Variants in FARSA observed in about 807,000 individuals in gnomAD.
FARSA encodes the protein phenylalanyl-tRNA synthetase subunit alpha, also known as phenylalanine--tRNA ligase alpha subunit.
Under a neutral mutation model 63.2 loss-of-function variants are expected in FARSA, and 37 were observed. The ratio of observed to expected loss-of-function variants is 0.59; its 90% CI spans 0.45 to 0.77. The LOEUF is 0.77. Ranked by LOEUF, FARSA falls within the 30% of genes least tolerant of loss-of-function variation. FARSA has a pLI of 0.00. For missense variants in FARSA, 618 were observed against 696.6 expected, an observed-to-expected ratio of 0.89 and a Z score of 1.27; for synonymous variants, 312 against 285.1, an observed-to-expected ratio of 1.09 and a Z score of -0.95.
rs147769605 is a variant in FARSA at position 12,924,745 on chromosome 19, G to A, written c.1089C>T (p.Asp363=). The A allele has an allele frequency of 4.0e-5, 64 of 1,601,312 alleles. No individual in the cohort carries two copies. The South Asian group carries it at 4.8e-4, about 12-fold the overall frequency. Residue 363 remains aspartate (D), a synonymous_variant, in exon 10 of 13, where the codon GAC becomes GAT. Coordinates refer to ENST00000314606, the MANE Select transcript of FARSA (RefSeq NM_004461.3). The surrounding 1 kb of genome is among the most constrained non-coding windows in gnomAD (Gnocchi z 6.4). ...IDRVFRNETL[D]ATHLAEFHQI... The stretch of plus-strand genomic sequence containing the variant: ...GGTGGAACTCAGCCAGGTGCGTGGC[G>A]TCCAGGGTCTCATTCCGGAATACGC...
In FARSA at chr19:12,928,469, C is replaced by T. The variant is rs762788169; in HGVS notation, c.726-12G>A. The T allele has an allele frequency of 2.9e-5, 47 of 1,613,798 alleles. No individual in the cohort carries two copies. The highest frequency in any genetic ancestry group is 3.8e-5 in the Non-Finnish European group (45 of 1,179,908). ...GCATCTCGGTGAACCTGGTGGGAGA[C>T]ACAGCCTGACTGCCCTGCCTGTACC... On this transcript the variant is annotated splice_polypyrimidine_tract_variant and intron_variant, in intron 6 of 12. Transcript: ENST00000314606.
chr19:12,924,831 C>A lies in FARSA; in HGVS notation c.1027-24G>T. On this transcript the variant is annotated intron_variant, in intron 9 of 12. Transcript: ENST00000314606. The surrounding 1 kb of genome is among the most constrained non-coding windows in gnomAD (Gnocchi z 6.4). ...TTCTAGGGGTGACAACCGAGCCAGG[C>A]CCAGGTATGGGTCAGAAGGTCCCTT... 6.2e-7 allele frequency: 1 copy of A among 1,612,250 alleles called. No individual in the cohort carries two copies. The highest frequency in any genetic ancestry group is 8.5e-7 in the Non-Finnish European group (1 of 1,178,704).
Position 12,930,123 on chromosome 19 carries a change from AC to A in FARSA, c.503+99del, listed in dbSNP as rs774699994. On this transcript the variant is annotated intron_variant, in intron 4 of 12. Coordinates refer to ENST00000314606, the MANE Select transcript of FARSA (RefSeq NM_004461.3). ...TAAGCGAGCTGGGAGGAAACTGGCC[AC>A]ACCTGTGCTTGGTGTGGGCAAGATG... 277 of 930,786 alleles carry A rather than the reference AC, an allele frequency of 3.0e-4. 1 individual carries two copies. Among genetic ancestry groups the A allele is most frequent in the Non-Finnish European group, 4.4e-4 (261 of 593,834 alleles). The allele number at this position is 930,786 out of a possible 1,614,324, so 57.7% of individuals were successfully genotyped here.
Position 12,924,424 on chromosome 19 carries a change from C to A in FARSA, c.1273+25G>T, listed in dbSNP as rs777402527. 1.2e-6 allele frequency: 2 copies of A among 1,610,812 alleles called. No homozygotes were observed. The highest frequency in any genetic ancestry group is 1.1e-5 in the South Asian group (1 of 91,040). Reference sequence around the variant, plus strand: ...ATAGTAGCCTGAGACCTCCCTCCCACCCCAGTACCAGGGCCTACCCTGACC... The same window carrying A: ...ATAGTAGCCTGAGACCTCCCTCCCAACCCAGTACCAGGGCCTACCCTGACC... On this transcript the variant is annotated intron_variant, in intron 11 of 12. Coordinates refer to ENST00000314606, the MANE Select transcript of FARSA (RefSeq NM_004461.3). The surrounding 1 kb of genome is among the most constrained non-coding windows in gnomAD (Gnocchi z 6.4).
At position 12,924,306 on chromosome 19, in the gene FARSA, G is replaced by A. The variant is rs1323469615; in HGVS notation, c.1274-41C>T. On this transcript the variant is annotated intron_variant, in intron 11 of 12. Transcript: ENST00000314606. The surrounding 1 kb of genome is among the most constrained non-coding windows in gnomAD (Gnocchi z 6.4). Reference sequence around the variant, plus strand: ...AGAAAAGACGGGCAGTGCGTGTTGAGTTTCTGGGCACTGCTGGTACAGGTT... The same window carrying A: ...AGAAAAGACGGGCAGTGCGTGTTGAATTTCTGGGCACTGCTGGTACAGGTT... 6.3e-7 allele frequency: 1 copy of A among 1,579,840 alleles called. No homozygotes were observed. The highest frequency in any genetic ancestry group is 1.1e-5 in the South Asian group (1 of 90,400).
At position 12,928,535 on chromosome 19, in the gene FARSA, C is replaced by A; in HGVS notation, c.725G>T (p.Gly242Val). 1 of 1,614,138 alleles carries A rather than the reference C, an allele frequency of 6.2e-7. No individual in the cohort carries two copies. The highest frequency in any genetic ancestry group is 8.5e-7 in the Non-Finnish European group (1 of 1,180,010). ...GCACCGCCCCCAGCCCTGTGCTCAC[C>A]CCATCTCCAGGAAGATCTGTCGGAA... The part of the protein sequence containing the change: ...SQFRQIFLEM[G>V]FTEMPTDNFI... Residue 242 changes from glycine to valine, a missense_variant and splice_region_variant, in exon 6 of 13, where the codon GGG becomes GTG. Physicochemically the swap from Gly to Val is moderately radical, Grantham distance 109. Coordinates refer to ENST00000314606, the MANE Select transcript of FARSA (RefSeq NM_004461.3).
chr19:12,933,674 T>C lies in FARSA; in HGVS notation c.23A>G (p.Glu8Gly), dbSNP rs1331929658. ...CGCCTCCAGCCGCCGGAGCAGCAGTTCCGCCACCTGACCATCCGCCATGAC... is the reference window on the plus strand; with the variant it reads ...CGCCTCCAGCCGCCGGAGCAGCAGTCCCGCCACCTGACCATCCGCCATGAC... MADGQVA[E>G]LLLRRLEASD... Residue 8 changes from glutamate to glycine, a missense_variant, in exon 1 of 13, where the codon GAA (glutamate) becomes GGA (glycine). By Grantham distance (98) the Glu-to-Gly change is moderately conservative. Transcript: ENST00000314606. 1.9e-6 allele frequency: 3 copies of C among 1,568,898 alleles called. No individual in the cohort carries two copies. The highest frequency in any genetic ancestry group is 1.8e-5 in the Admixed American group (1 of 55,506).
chr19:12,933,687 C>T lies in FARSA; in HGVS notation c.10G>A (p.Gly4Ser), dbSNP rs141008356. Residue 4 changes from glycine (G) to serine (S), a missense_variant, in exon 1 of 13, where the codon GGT (glycine) becomes AGT (serine). Coordinates refer to ENST00000314606, the MANE Select transcript of FARSA (RefSeq NM_004461.3). MADGQVAELLLRRL... is the reference protein window; with the variant it reads MADSQVAELLLRRL... Reference sequence around the variant, plus strand: ...CGGAGCAGCAGTTCCGCCACCTGACCATCCGCCATGACTCCTTCCAGTGTG... The same window carrying T: ...CGGAGCAGCAGTTCCGCCACCTGACTATCCGCCATGACTCCTTCCAGTGTG... 1 of 1,569,652 alleles carries T rather than the reference C, an allele frequency of 6.4e-7. No homozygotes were observed. The highest frequency in any genetic ancestry group is 2.3e-4 in the Middle Eastern group (1 of 4,408).
intron 12 of FARSA, among the ~76,000 whole-genome samples, 166 bp downstream of exon 12, chr19:12,923,985 T>C (rs1391804351): frequency 6.6e-6 from 1 of 152,238 alleles, no homozygotes; most frequent in Non-Finnish European, 1.5e-5. Context: ...GGGAGGGACA[T>C]AAGCTGTCAT....
At position 12,924,037 on chromosome 19, in the gene FARSA, G is replaced by GA. The variant is rs1971296122; in HGVS notation, c.1388+113dup. ...TGAGCATTCAGTTTGTACTCACGAT[G>GA]AAAGTTTTGTCCATTGGATGAATGA... On this transcript the variant is annotated intron_variant, in intron 12 of 12. Transcript: ENST00000314606. The surrounding 1 kb of genome is among the most constrained non-coding windows in gnomAD (Gnocchi z 6.4). The GA allele has an allele frequency of 1.3e-6, 1 of 791,628 alleles. No individual in the cohort carries two copies. The highest frequency in any genetic ancestry group is 2.2e-6 in the Non-Finnish European group (1 of 455,792). 49.0% of individuals were successfully genotyped at this position (791,628 alleles called of 1,614,324 possible).
Position 12,930,254 on chromosome 19 carries a change from C to T in FARSA, c.472G>A (p.Glu158Lys). The T allele has an allele frequency of 1.9e-6, 3 of 1,614,084 alleles. No homozygotes were observed. The highest frequency in any genetic ancestry group is 2.5e-6 in the Non-Finnish European group (3 of 1,180,000). ...AEKLGEKERS[E>K]LRKRKLLAEV... The stretch of plus-strand genomic sequence containing the variant: ...GCCAACAGCTTCCTCTTCCTCAGCT[C>T]GCTCCTCTCCTTCTCCCCCAGCTTC... The change falls in exon 4 of 13, where the codon GAG becomes AAG. Residue 158 changes from glutamate to lysine, a missense_variant. Transcript: ENST00000314606.
chr19:12,927,044 T>A (rs938103355), intron 7 of FARSA, among the ~76,000 whole-genome samples: 1 of 152,108 alleles, frequency 6.6e-6, no homozygotes, highest in Non-Finnish European at 1.5e-5. Flanking sequence ...GGCCACCCCA[T>A]TGTGGGAAGT....
chr19:12,925,210 A>G, intron 7 of FARSA, 36 bp from the exon 8 acceptor site: 5 of 1,493,720 alleles, frequency 3.3e-6, no homozygotes, highest in Admixed American at 2.1e-5. Flanking sequence ...TCAGTCAACG[A>G]GCATTTCCCA....
rs556779793 is a variant in FARSA, at chr19:12,928,303, GTC to G, written c.841+37_841+38del. ...TGTAAAGGCTCCGCCGTGGCCTGGT[GTC>G]TCTCATGTCTCAGGGAGGCCCTAGG... On this transcript the variant is annotated intron_variant, in intron 7 of 12. Transcript: ENST00000314606. The G allele has an allele frequency of 1.9e-3, 2,896 of 1,541,378 alleles. 15 individuals are homozygous for G. The highest frequency in any genetic ancestry group is 0.015 in the Middle Eastern group (86 of 5,900).
Position 12,928,223 on chromosome 19 carries a change from T to C in FARSA, c.841+119A>G. ...GCCTCCCAAATAGCCGGACTACAGG[T>C]GCACACCACCATGCCCAGTTCTAGA... On this transcript the variant is annotated intron_variant, in intron 7 of 12. Transcript: ENST00000314606. The C allele has an allele frequency of 4.0e-6, 3 of 750,882 alleles. No homozygotes were observed. The East Asian group carries it at 8.0e-5, about 20-fold the overall frequency. The allele number at this position is 750,882 out of a possible 1,614,324, so 46.5% of individuals were successfully genotyped here. A position where few individuals can be genotyped will look rare whatever the true frequency, so the allele number is the denominator to read the frequency against.
chr19:12,926,461 G>C (rs1276433965), intron 7 of FARSA, among the ~76,000 whole-genome samples: 5 of 150,512 alleles, frequency 3.3e-5, no homozygotes, highest in Admixed American at 2.0e-4. Context: ...TTTTGGTAGA[G>C]ACGGGGTTTC....
In FARSA at chr19:12,925,122, C is replaced by T; in HGVS notation, c.894G>A (p.Arg298=). ...LPMDYVQRVK[R]THSQGGYGSQ... The stretch of plus-strand genomic sequence containing the variant: ...AGCCGTAGCCGCCCTGAGAGTGGGT[C>T]CGCTTGACCCGCTGGACATAGTCCA... Residue 298 remains arginine (R), a synonymous_variant, in exon 8 of 13, where the codon CGG becomes CGA. Transcript: ENST00000314606. 3.1e-6 allele frequency: 5 copies of T among 1,608,146 alleles called. No individual in the cohort carries two copies. Among genetic ancestry groups the T allele is most frequent in the Non-Finnish European group, 4.2e-6 (5 of 1,177,946 alleles).
At chr19:12,933,063 T>G (rs1379118041) in intron 1 of FARSA, 1 of 163,946 alleles carries the variant, frequency 6.1e-6, no homozygotes, top group East Asian at 1.9e-4. Context: ...GCTTTGCAAT[T>G]ACAGCTATGC....
intron 7 of FARSA, among the ~76,000 whole-genome samples, chr19:12,926,515 C>T (rs1971329124): frequency 1.3e-5 from 2 of 151,532 alleles, no homozygotes; most frequent in Admixed American, 6.6e-5. Flanking sequence ...CCTCGCGATC[C>T]GCCCGTCTCA....
Sources: gnomAD v4.1 joint callset for allele counts (sites outside exome capture counted in the v4.1 genomes callset) on GRCh38, gnomAD v4.1.1 for gene constraint, Gnocchi (gnomAD v3.1) non-coding constraint, MANE v1.5 for transcripts, NCBI Gene and HGNC (gene_info 2026-07-23, HGNC 2026-07-21) for gene names.